The following PPIP5K2 variants were observed in gnomAD, a reference collection of about 807,000 sequenced individuals.
PPIP5K2 encodes the protein diphosphoinositol pentakisphosphate kinase 2.
Under a neutral mutation model 154.6 loss-of-function variants are expected in PPIP5K2, and 105 were observed. The ratio of observed to expected loss-of-function variants is 0.68; its 90% CI spans 0.58 to 0.80. The LOEUF (loss-of-function observed/expected upper bound fraction) is 0.80, where lower values mean the gene tolerates loss of function less well. Ranked by LOEUF, PPIP5K2 falls within the 30% of genes least tolerant of loss-of-function variation. The pLI is 0.00. For missense variants in PPIP5K2, 992 were observed against 1,504.6 expected (o/e 0.66, Z 5.64); for synonymous variants, 480 against 490.3 (o/e 0.98, Z 0.28).
Position 103,183,204 on chromosome 5 carries a change from TTTTTTTTTTGC to T in PPIP5K2, c.2923-29_2923-19del. 4 of 994,276 alleles carry T rather than the reference TTTTTTTTTTGC, an allele frequency of 4.0e-6. No individual in the cohort carries two copies. The highest frequency in any genetic ancestry group is 4.8e-5 in the South Asian group (1 of 20,978). 61.6% of individuals were successfully genotyped at this position (994,276 alleles called of 1,614,324 possible). A position where few individuals can be genotyped will look rare whatever the true frequency, so the allele number is the denominator to read the frequency against. On this transcript the variant is annotated intron_variant, in intron 24 of 30. Coordinates refer to ENST00000358359, the MANE Select transcript of PPIP5K2 (RefSeq NM_001276277.3). The stretch of plus-strand genomic sequence containing the variant: ...TTTTTTTTTTTTTTTTTTTTTTTTT[TTTTTTTTTTGC>T]CCCCTTTCTCACTTCCAGGAAGAGA...
At chr5:103,134,149 T>A (rs1236538560) in intron 3 of PPIP5K2, among the ~76,000 whole-genome samples, 1 of 152,146 alleles carries the variant, frequency 6.6e-6, no homozygotes, top group Non-Finnish European at 1.5e-5. Flanking sequence ...TAGAACAAGA[T>A]CTATCATTTT....
chr5:103,166,091 T>C (rs1554217771), intron 17 of PPIP5K2, among the ~76,000 whole-genome samples: 1 of 151,954 alleles, frequency 6.6e-6, no homozygotes, highest in African/African-American at 2.4e-5. Context: ...TAAAGCACAA[T>C]CAAAGTAATG....
chr5:103,142,314 G>C (rs1241061975), intron 5 of PPIP5K2, among the ~76,000 whole-genome samples: 3 of 152,202 alleles, frequency 2.0e-5, no homozygotes, highest in Non-Finnish European at 4.4e-5. Context: ...AGGCTGGCCG[G>C]CTGCTCCGAG....
At chr5:103,196,498 A>G (rs895714269) in intron 30 of PPIP5K2, among the ~76,000 whole-genome samples, 2 of 152,166 alleles carry the variant, frequency 1.3e-5, no homozygotes, top group African/African-American at 4.8e-5. Flanking sequence ...TTATATTATA[A>G]GCATTTTTCT....
chr5:103,153,548 C>T (rs1407068810), intron 10 of PPIP5K2, among the ~76,000 whole-genome samples: 3 of 151,832 alleles, frequency 2.0e-5, no homozygotes, highest in African/African-American at 7.2e-5. Flanking sequence ...TATAAGAAAG[C>T]TCAGAAATTG....
chr5:103,123,432 C>T (rs1486499131), intron 1 of PPIP5K2, among the ~76,000 whole-genome samples: 1 of 152,194 alleles, frequency 6.6e-6, no homozygotes, highest in Non-Finnish European at 1.5e-5. Flanking sequence ...ATATTGGGCC[C>T]CACCCCCAGA....
At chr5:103,133,342 CTT>C (rs1188730038) in intron 2 of PPIP5K2, 109 bp from the exon 3 acceptor site, 1 of 749,020 alleles carries the variant, frequency 1.3e-6, no homozygotes, top group Non-Finnish European at 2.0e-6. Context: ...TAATGTGTCA[CTT>C]TTATTTATTA....
intron 19 of PPIP5K2, among the ~76,000 whole-genome samples, chr5:103,169,583 A>C (rs1797648194): frequency 6.6e-6 from 1 of 151,756 alleles, no homozygotes; most frequent in Admixed American, 6.6e-5. Flanking sequence ...AAAGAGAACT[A>C]TATATTTGAT....
At chr5:103,192,856 A>G (rs1286035975) in intron 29 of PPIP5K2, among the ~76,000 whole-genome samples, 1 of 152,162 alleles carries the variant, frequency 6.6e-6, no homozygotes, top group Admixed American at 6.5e-5. Context: ...ATTTCATGCA[A>G]TTAGTTACTA....
At chr5:103,142,985 A>G (rs925213971) in intron 5 of PPIP5K2, among the ~76,000 whole-genome samples, 1 of 152,150 alleles carries the variant, frequency 6.6e-6, no homozygotes, top group Admixed American at 6.5e-5. Flanking sequence ...TAGAGACAAC[A>G]AAAAGTCAAA....
At chr5:103,189,280 C>T (rs183134499) in intron 28 of PPIP5K2, 44 of 1,340,402 alleles carry the variant, frequency 3.3e-5, no homozygotes, top group East Asian at 2.3e-4. Flanking sequence ...TAAATTGCTG[C>T]GCTAACCCTT....
At position 103,180,754 on chromosome 5, in the gene PPIP5K2, G is replaced by A. The variant is rs141938056; in HGVS notation, c.2922+566G>A. On this transcript the variant is annotated intron_variant, in intron 24 of 30. Coordinates refer to ENST00000358359, the MANE Select transcript of PPIP5K2 (RefSeq NM_001276277.3). ...AGTCCCAGCTACTCAGGAGGCTGAG[G>A]CAGGAGAATGACGTGAATCCAGGAG... 8.5e-3 allele frequency among the ~76,000 whole-genome samples: 1,293 copies of A among 151,634 alleles called. 20 individuals are homozygous for A. The highest frequency in any genetic ancestry group is 0.029 in the African/African-American group (1,191 of 41,306).
At chr5:103,144,428 CT>C (rs1793394117) in intron 5 of PPIP5K2, among the ~76,000 whole-genome samples, 1 of 152,016 alleles carries the variant, frequency 6.6e-6, no homozygotes, top group Admixed American at 6.6e-5. Context: ...AAAAAAAATA[CT>C]AAAATTTATA....
intron 5 of PPIP5K2, among the ~76,000 whole-genome samples, chr5:103,142,070 G>A (rs1170322074): frequency 3.9e-5 from 6 of 152,210 alleles, no homozygotes; most frequent in African/African-American, 9.6e-5. Flanking sequence ...GGGACTGGGC[G>A]CCGTGGAGCA....
rs376372933 is a variant in PPIP5K2 at position 103,165,738 on chromosome 5, T to C, written c.1921-1441T>C. 2.0e-5 allele frequency among the ~76,000 whole-genome samples: 3 copies of C among 152,198 alleles called. No homozygotes were observed. In the East Asian group the frequency reaches 5.8e-4, roughly 29 times the overall value. ...CTCGTTTTAAGATGGGACGAGATGATGTTGAAGATGAAGCCCTCAAAGGCA... is the reference window on the plus strand; with the variant it reads ...CTCGTTTTAAGATGGGACGAGATGACGTTGAAGATGAAGCCCTCAAAGGCA... On this transcript the variant is annotated intron_variant, in intron 17 of 30. Transcript: ENST00000358359.
intron 6 of PPIP5K2, 105 bp from the exon 7 acceptor site, chr5:103,147,826 A>G: frequency 1.5e-6 from 1 of 688,218 alleles, no homozygotes; most frequent in Non-Finnish European, 2.4e-6. Context: ...GTATTTGAAA[A>G]TGTCTAAGAT....
rs1554211274 is a variant in PPIP5K2 at position 103,151,282 on chromosome 5, G to C, written c.936G>C (p.Arg312=). 1 of 1,606,832 alleles carries C rather than the reference G, an allele frequency of 6.2e-7. No individual in the cohort carries two copies. Among genetic ancestry groups the C allele is most frequent in the Non-Finnish European group, 8.5e-7 (1 of 1,175,420 alleles). The change falls in exon 9 of 31, where the codon CGG becomes CGC. Residue 312 remains arginine, a synonymous_variant. Coordinates refer to ENST00000358359, the MANE Select transcript of PPIP5K2 (RefSeq NM_001276277.3). ...CAGTTTGTGGCTTTGATTTGTTACG[G>C]GCCAATGGACAGTCCTATGTCTGTG... is the stretch of plus-strand genomic sequence containing the variant. ...KQTVCGFDLL[R]ANGQSYVCDV...
chr5:103,151,159 A>C (rs1554211176), intron 8 of PPIP5K2, 94 bp from the exon 9 acceptor site: 10 of 1,019,452 alleles, frequency 9.8e-6, no homozygotes, highest in Non-Finnish European at 1.2e-5. Context: ...ACTTTTAAGC[A>C]TTTATAAAAT....
At position 103,183,335 on chromosome 5, in the gene PPIP5K2, A is replaced by C. The variant is rs1554223766; in HGVS notation, c.3024A>C (p.Glu1008Asp). 6 of 1,608,978 alleles carry C rather than the reference A, an allele frequency of 3.7e-6. No homozygotes were observed. In the South Asian group the frequency reaches 6.6e-5, roughly 18 times the overall value. Residue 1008 changes from glutamate (E) to aspartate (D), a missense_variant, in exon 25 of 31, where the codon GAA becomes GAC. Coordinates refer to ENST00000358359, the MANE Select transcript of PPIP5K2 (RefSeq NM_001276277.3). ...GTGRRRRRSG[E>D]QITSSPVSPK... ...GGCGTCGAAGACGCAGATCAGGGGAACAAATCACTTCTTCCCCTGTCTCCC... is the reference window on the plus strand; with the variant it reads ...GGCGTCGAAGACGCAGATCAGGGGACCAAATCACTTCTTCCCCTGTCTCCC...
Sources: gnomAD v4.1 joint callset for allele counts (sites outside exome capture counted in the v4.1 genomes callset) on GRCh38, gnomAD v4.1.1 for gene constraint, MANE v1.5 for transcripts, NCBI Gene and HGNC (gene_info 2026-07-23, HGNC 2026-07-21) for gene names.